The following PTPRD variants were observed in gnomAD, a reference collection of about 807,000 sequenced individuals.
PTPRD encodes the protein protein tyrosine phosphatase receptor type D, also known as receptor-type tyrosine-protein phosphatase delta.
A neutral mutation model predicts 214.5 loss-of-function variants in PTPRD; 34 were observed. The observed-to-expected ratio is 0.16, with a 90% confidence interval of 0.12 to 0.21. PTPRD has a LOEUF of 0.21. Among genes scored for constraint, PTPRD ranks in the 10% least tolerant of loss-of-function variants. PTPRD has a pLI of 1.00. For missense variants in PTPRD, 2,545 were observed against 2,398.7 expected, an observed-to-expected ratio of 1.06 and a Z score of -1.27; for synonymous variants, 1,128 against 845.7, an observed-to-expected ratio of 1.33 and a Z score of -5.79.
chr9:9,108,391 G>A (rs1454826475), intron 10 of PTPRD, among the ~76,000 whole-genome samples: 1 of 152,144 alleles, frequency 6.6e-6, no homozygotes, highest in Admixed American at 6.6e-5. Context: ...GGTTGCATTA[G>A]TTTAGGTAGG....
chr9:9,322,439 A>T (rs569882098), intron 9 of PTPRD, among the ~76,000 whole-genome samples: 2 of 152,336 alleles, frequency 1.3e-5, no homozygotes, highest in East Asian at 3.9e-4. Flanking sequence ...TTTCCAAGTC[A>T]CGTAGCTAGT....
At chr9:10,572,174 T>C (rs926229685) in intron 2 of PTPRD, among the ~76,000 whole-genome samples, 2 of 152,140 alleles carry the variant, frequency 1.3e-5, no homozygotes, top group South Asian at 2.1e-4. Context: ...ACCTGCATAG[T>C]AAAGTATAGA....
intron 4 of PTPRD, among the ~76,000 whole-genome samples, chr9:9,998,449 T>A (rs751572301): frequency 2.6e-4 from 39 of 151,950 alleles, no homozygotes; most frequent in Admixed American, 1.7e-3. Context: ...GCCTCTCCCC[T>A]TCCCATAGCA....
intron 4 of PTPRD, among the ~76,000 whole-genome samples, chr9:9,990,581 GC>G (rs984184907): frequency 2.0e-5 from 3 of 152,164 alleles, no homozygotes; most frequent in African/African-American, 4.8e-5. Flanking sequence ...AATCTCAGAG[GC>G]CCAGGCCCCT....
intron 11 of PTPRD, among the ~76,000 whole-genome samples, chr9:8,946,325 C>G (rs1014438600): frequency 2.6e-5 from 4 of 151,900 alleles, no homozygotes; most frequent in African/African-American, 4.8e-5. Flanking sequence ...CGGAGACCAC[C>G]CCCCCACCAC....
At chr9:8,866,119 T>G (rs895594978) in intron 11 of PTPRD, among the ~76,000 whole-genome samples, 1 of 152,184 alleles carries the variant, frequency 6.6e-6, no homozygotes, top group Non-Finnish European at 1.5e-5. Context: ...GTTATCCTGA[T>G]TTTCAAAACT....
chr9:9,601,318 G>A (rs1453508583), intron 7 of PTPRD, among the ~76,000 whole-genome samples: 1 of 151,978 alleles, frequency 6.6e-6, no homozygotes, highest in Non-Finnish European at 1.5e-5. Flanking sequence ...GCTGAAAATT[G>A]ACACTGATAG....
At chr9:9,328,930 G>A (rs896661932) in intron 9 of PTPRD, among the ~76,000 whole-genome samples, 4 of 151,964 alleles carry the variant, frequency 2.6e-5, no homozygotes, top group East Asian at 3.9e-4. Flanking sequence ...GAGCCACCGC[G>A]CCTAGCATTT....
At chr9:9,918,509 T>C (rs1323383652) in intron 5 of PTPRD, among the ~76,000 whole-genome samples, 1 of 152,054 alleles carries the variant, frequency 6.6e-6, no homozygotes, top group Non-Finnish European at 1.5e-5. Context: ...ATTAAATCTC[T>C]ATCAAAATGT....
chr9:9,969,971 G>A (rs187636703), intron 4 of PTPRD, among the ~76,000 whole-genome samples: 2 of 152,200 alleles, frequency 1.3e-5, no homozygotes, highest in East Asian at 3.9e-4. Context: ...ACTCCTTTAT[G>A]ATTCAAGATG....
intron 10 of PTPRD, among the ~76,000 whole-genome samples, chr9:9,020,869 C>G (rs1163819032): frequency 2.0e-5 from 3 of 152,126 alleles, no homozygotes; most frequent in Non-Finnish European, 4.4e-5. Flanking sequence ...GACGTATCTA[C>G]TCGGATGTAT....
chr9:10,564,763 G>C (rs1025390302), intron 2 of PTPRD, among the ~76,000 whole-genome samples: 1 of 152,056 alleles, frequency 6.6e-6, no homozygotes, highest in Non-Finnish European at 1.5e-5. Flanking sequence ...TTAACTACCT[G>C]CCCCTTCTCA....
intron 3 of PTPRD, among the ~76,000 whole-genome samples, chr9:10,120,200 G>C (rs2098763831): frequency 6.6e-6 from 1 of 151,612 alleles, no homozygotes; most frequent in South Asian, 2.1e-4. Context: ...TTGTGCAAAT[G>C]AATTACTTGC....
chr9:9,859,733 T>TTG (rs1160998610), intron 5 of PTPRD, among the ~76,000 whole-genome samples: 3 of 152,190 alleles, frequency 2.0e-5, no homozygotes, highest in Non-Finnish European at 4.4e-5. Flanking sequence ...CAAATTTAAA[T>TTG]TTCTGAGTCT....
At position 8,389,389 on chromosome 9, in the gene PTPRD, T is replaced by C; in HGVS notation, c.4229A>G (p.Tyr1410Cys). 1 of 1,609,390 alleles carries C rather than the reference T, an allele frequency of 6.2e-7. No homozygotes were observed. Among genetic ancestry groups the C allele is most frequent in the Non-Finnish European group, 8.5e-7 (1 of 1,177,958 alleles). Residue 1410 changes from tyrosine (Y) to cysteine (C), a missense_variant, in exon 37 of 46, where the codon TAT becomes TGT. Transcript: ENST00000381196. ...SAIEGIPGSD[Y>C]VNANYIDGYR... ...CCCATCTATGTAGTTGGCATTCACATAGTCACTTCCTGGGATCCCTGGAAA... is the reference window on the plus strand; with the variant it reads ...CCCATCTATGTAGTTGGCATTCACACAGTCACTTCCTGGGATCCCTGGAAA...
rs925602756 is a variant in PTPRD, at chr9:8,319,345, C to T, written c.5670+486G>A. Among the ~76,000 whole-genome samples, 5 of 151,918 alleles carry T rather than the reference C, an allele frequency of 3.3e-5. No homozygotes were observed. The East Asian group carries it at 7.8e-4, about 24-fold the overall frequency. The stretch of plus-strand genomic sequence containing the variant: ...AATTATTGGAATAGGAAATGAGGGG[C>T]TAATATTAATATCTCTAGGCTTATC... On this transcript the variant is annotated intron_variant, in intron 45 of 45. Coordinates refer to ENST00000381196, the MANE Select transcript of PTPRD (RefSeq NM_002839.4).
chr9:9,436,426 A>G (rs72704616), intron 8 of PTPRD, among the ~76,000 whole-genome samples: 59,655 of 151,758 alleles, frequency 0.39, 12,070 homozygotes, highest in Middle Eastern at 0.56. Flanking sequence ...TTTAATAAGG[A>G]TTTATAGTTA....
chr9:8,749,005 A>G (rs1393147404), intron 11 of PTPRD, among the ~76,000 whole-genome samples: 1 of 152,202 alleles, frequency 6.6e-6, no homozygotes, highest in African/African-American at 2.4e-5. Flanking sequence ...ACACATGTGA[A>G]AATATGTATT....
chr9:8,397,021 T>A (rs527640922), intron 36 of PTPRD, among the ~76,000 whole-genome samples: 1 of 152,072 alleles, frequency 6.6e-6, no homozygotes, highest in Admixed American at 6.6e-5. Context: ...AAACTGAAAA[T>A]GCTGCAGAAA....
Sources: allele counts gnomAD v4.1 joint callset (sites outside exome capture counted in the v4.1 genomes callset), GRCh38; gene constraint gnomAD v4.1.1; transcripts MANE v1.5; gene names NCBI Gene and HGNC (gene_info 2026-07-23, HGNC 2026-07-21).